Variants in FRMD4A observed in about 807,000 individuals in gnomAD.
FRMD4A encodes the protein FERM domain-containing protein 4A.
A neutral mutation model predicts 129.1 loss-of-function variants in FRMD4A; 29 were observed. The observed-to-expected ratio is 0.22, with a 90% confidence interval of 0.17 to 0.31. FRMD4A has a LOEUF of 0.31. Among genes scored for constraint, FRMD4A ranks in the 10% least tolerant of loss-of-function variants. The pLI is 1.00. For missense variants in FRMD4A, 1,272 were observed against 1,375.8 expected (o/e 0.92, Z 1.19); for synonymous variants, 634 against 571.6 (o/e 1.11, Z -1.56).
chr10:14,237,318 G>A (rs902283336), intron 2 of FRMD4A, among the ~76,000 whole-genome samples: 8 of 149,704 alleles, frequency 5.3e-5, no homozygotes, highest in African/African-American at 2.0e-4. Flanking sequence ...CACATATGGG[G>A]CATCAATTTC....
At chr10:14,275,181 A>G (rs1266298836) in intron 2 of FRMD4A, among the ~76,000 whole-genome samples, 1 of 152,182 alleles carries the variant, frequency 6.6e-6, no homozygotes, top group African/African-American at 2.4e-5. Flanking sequence ...CATGGAGACC[A>G]TACAGGAAGC....
intron 2 of FRMD4A, among the ~76,000 whole-genome samples, chr10:14,299,836 T>C (rs144448862): frequency 5.3e-5 from 8 of 152,250 alleles, no homozygotes; most frequent in African/African-American, 1.9e-4. Flanking sequence ...ACAGTATGTG[T>C]AGTTTGGCTA....
intron 2 of FRMD4A, among the ~76,000 whole-genome samples, chr10:14,128,257 C>T (rs1265539516): frequency 6.6e-6 from 1 of 151,620 alleles, no homozygotes; most frequent in Non-Finnish European, 1.5e-5. Context: ...GTGCATGCTA[C>T]CAAACCTGGC....
At chr10:14,165,875 G>A (rs897897874) in intron 2 of FRMD4A, among the ~76,000 whole-genome samples, 8 of 152,104 alleles carry the variant, frequency 5.3e-5, no homozygotes, top group African/African-American at 1.4e-4. Context: ...AGAGGGTGGG[G>A]CAAGGACTGA....
At chr10:13,986,503 G>T (rs1422928029) in intron 2 of FRMD4A, among the ~76,000 whole-genome samples, 3 of 102,124 alleles carry the variant, frequency 2.9e-5, no homozygotes, top group Admixed American at 1.1e-4. Context: ...GTTGTGGGGT[G>T]GGGGGAGGGG....
chr10:14,020,255 G>A (rs151291262), intron 2 of FRMD4A, among the ~76,000 whole-genome samples: 10 of 152,336 alleles, frequency 6.6e-5, no homozygotes, highest in African/African-American at 2.4e-4. Context: ...AGACGCCCCA[G>A]AGTGATGACA....
intron 4 of FRMD4A, among the ~76,000 whole-genome samples, chr10:13,805,370 A>G (rs2093341584): frequency 6.6e-6 from 1 of 152,026 alleles, no homozygotes; most frequent in Admixed American, 6.6e-5. Context: ...ATTTGGAGTA[A>G]TGGCTAACCA....
At chr10:13,990,537 C>A (rs1301965935) in intron 2 of FRMD4A, among the ~76,000 whole-genome samples, 1 of 152,186 alleles carries the variant, frequency 6.6e-6, no homozygotes, top group African/African-American at 2.4e-5. Context: ...TGCTCCTTGA[C>A]CCTGGCTGAC....
chr10:13,776,389 G>C (rs975124922), intron 6 of FRMD4A, among the ~76,000 whole-genome samples: 5 of 152,196 alleles, frequency 3.3e-5, no homozygotes, highest in African/African-American at 1.2e-4. Flanking sequence ...GGTATTATAG[G>C]TGTGAACCAC....
chr10:14,067,032 T>C (rs778171885), intron 2 of FRMD4A, among the ~76,000 whole-genome samples: 1 of 152,182 alleles, frequency 6.6e-6, no homozygotes, highest in Non-Finnish European at 1.5e-5. Flanking sequence ...TATTAATATG[T>C]CTCGGCTAGG....
intron 12 of FRMD4A, among the ~76,000 whole-genome samples, chr10:13,722,845 A>C (rs764023632): frequency 6.6e-6 from 1 of 152,202 alleles, no homozygotes; most frequent in Non-Finnish European, 1.5e-5. Context: ...CTAGGTCACC[A>C]TGCTGGTTAG....
rs76845347 is a variant in FRMD4A, at chr10:13,779,657, C to T, written c.384+3265G>A. Among the ~76,000 whole-genome samples the T allele has an allele frequency of 9.6e-3, 1,464 of 152,204 alleles. 24 individuals carry two copies. The highest frequency in any genetic ancestry group is 0.033 in the African/African-American group (1,380 of 41,528). ...AGCTGGTGTATACCTCAAACTCTTCCGCTTCTTGTTAATTACATTTTTAGA... is the reference window on the plus strand; with the variant it reads ...AGCTGGTGTATACCTCAAACTCTTCTGCTTCTTGTTAATTACATTTTTAGA... On this transcript the variant is annotated intron_variant, in intron 6 of 24. Coordinates refer to ENST00000357447, the MANE Select transcript of FRMD4A (RefSeq NM_018027.5).
At chr10:14,136,560 C>T (rs777126401) in intron 2 of FRMD4A, among the ~76,000 whole-genome samples, 1 of 152,188 alleles carries the variant, frequency 6.6e-6, no homozygotes, top group Admixed American at 6.5e-5. Context: ...CAACCCCACT[C>T]GTCTCATATG....
intron 14 of FRMD4A, among the ~76,000 whole-genome samples, chr10:13,698,116 G>C (rs1407610894): frequency 6.6e-6 from 1 of 152,070 alleles, no homozygotes; most frequent in Non-Finnish European, 1.5e-5. Context: ...CAGGCAGAGA[G>C]AAAGAAGGAG....
intron 2 of FRMD4A, among the ~76,000 whole-genome samples, chr10:14,119,935 G>A (rs1268965928): frequency 6.6e-6 from 1 of 151,630 alleles, no homozygotes; most frequent in African/African-American, 2.4e-5. Flanking sequence ...GAAGCAGCTT[G>A]CACCTTGATT....
chr10:13,796,737 T>C (rs61154546), intron 4 of FRMD4A, 149 bp from the exon 5 acceptor site: 6,787 of 534,538 alleles, frequency 0.013, 375 homozygotes, highest in African/African-American at 0.12. Flanking sequence ...TTTTATTTTT[T>C]TGAGACTAAG....
chr10:14,120,295 T>C (rs1216546895), intron 2 of FRMD4A, among the ~76,000 whole-genome samples: 3 of 152,112 alleles, frequency 2.0e-5, no homozygotes, highest in Non-Finnish European at 4.4e-5. Flanking sequence ...CCTAGTTTAT[T>C]TCTTTCTTAG....
chr10:13,724,136 C>T (rs2089695033), intron 12 of FRMD4A, among the ~76,000 whole-genome samples: 1 of 152,160 alleles, frequency 6.6e-6, no homozygotes, highest in South Asian at 2.1e-4. Flanking sequence ...GGCCTGTAAT[C>T]CCAGCACTTT....
chr10:14,027,620 C>G (rs189505182), intron 2 of FRMD4A, among the ~76,000 whole-genome samples: 4 of 152,150 alleles, frequency 2.6e-5, no homozygotes, highest in South Asian at 2.1e-4. Flanking sequence ...CTGTCTCAAA[C>G]AAAAACAAAA....
Sources: gnomAD v4.1 joint callset for allele counts (sites outside exome capture counted in the v4.1 genomes callset) on GRCh38, gnomAD v4.1.1 for gene constraint, MANE v1.5 for transcripts, NCBI Gene and HGNC (gene_info 2026-07-23, HGNC 2026-07-21) for gene names.